Variants in MYO18A observed in about 807,000 individuals in gnomAD.
The protein encoded by MYO18A is unconventional myosin-XVIIIa.
In MYO18A, 78 loss-of-function variants were observed where a neutral mutation model predicts 235.8. The ratio of observed to expected loss-of-function variants is 0.33; its 90% CI spans 0.28 to 0.40. The LOEUF (loss-of-function observed/expected upper bound fraction) is 0.40. Among genes scored for constraint, MYO18A ranks in the 10% least tolerant of loss-of-function variants. The pLI is 1.00. For synonymous variants in MYO18A, 977 were observed against 1,077.8 expected, an observed-to-expected ratio of 0.91 and a Z score of 1.83; for missense variants, 2,215 against 2,699.3, an observed-to-expected ratio of 0.82 and a Z score of 3.98.
intron 35 of MYO18A, 30 bp from the exon 36 acceptor site, chr17:29,090,645 G>A: frequency 6.3e-7 from 1 of 1,588,696 alleles, no homozygotes; most frequent in Non-Finnish European, 8.6e-7. Flanking sequence ...ATCAGAAGCA[G>A]GATCCCCCAT....
chr17:29,092,953 T>A lies in MYO18A; in HGVS notation c.4975A>T (p.Lys1659Ter), dbSNP rs1489716581. Residue 1659 changes from lysine to a stop codon, truncating the protein, a stop_gained, in exon 33 of 42, where the codon AAG becomes TAG. Transcript: ENST00000527372. LOFTEE classifies it high-confidence loss of function. ...ESEKRLRKDL[K>*]RTKALLADAQ... ...TCTGCCAGCAGGGCCTTGGTGCGCT[T>A]CAGGTCCTTCCGCAGCCGCTTCTCT... 1 of 1,613,784 alleles carries A rather than the reference T, an allele frequency of 6.2e-7. No individual in the cohort carries two copies. The highest frequency in any genetic ancestry group is 1.7e-5 in the Admixed American group (1 of 60,018).
chr17:29,110,555 C>T lies in MYO18A; in HGVS notation c.2968G>A (p.Gly990Ser). The T allele has an allele frequency of 6.2e-7, 1 of 1,612,316 alleles. No homozygotes were observed. Residue 990 changes from glycine to serine, a missense_variant, in exon 18 of 42, where the codon GGC (glycine) becomes AGC (serine). Gly to Ser is a moderately conservative substitution (Grantham distance 56, BLOSUM62 0). Coordinates refer to ENST00000527372, the MANE Select transcript of MYO18A (RefSeq NM_078471.4). ...GCCAGCTGCGAGCCGCCCTCCAGGC[C>T]CGCGATGGAGCCAGAGAGCACCGTG... ...SATVLSGSIA[G>S]LEGGSQLALR...
At chr17:29,113,934 T>C (rs2049157701) in intron 15 of MYO18A, 77 bp downstream of exon 15, 1 of 1,210,586 alleles carries the variant, frequency 8.3e-7, no homozygotes, top group Admixed American at 2.0e-5. Flanking sequence ...GCAGCTCAGA[T>C]GGGGAGGGCT....
At chr17:29,091,319 G>C in intron 34 of MYO18A, 1 of 325,984 alleles carries the variant, frequency 3.1e-6, no homozygotes. Flanking sequence ...GTCTGCGAAG[G>C]TCTCCTGGCT....
In MYO18A at chr17:29,110,427, G is replaced by A. The variant is rs1394361301; in HGVS notation, c.3087+9C>T. 3.8e-6 allele frequency: 6 copies of A among 1,575,180 alleles called. No homozygotes were observed. Among genetic ancestry groups the A allele is most frequent in the East Asian group, 2.3e-5 (1 of 42,778 alleles). On this transcript the variant is annotated intron_variant, in intron 18 of 41. Transcript: ENST00000527372. ...CAGGCCTGCCTGCTGGGACCCGGCT[G>A]GCACTCACCACCTGTAGCTTCATCT...
chr17:29,073,813 G>A lies in MYO18A; in HGVS notation c.*957C>T. The stretch of plus-strand genomic sequence containing the variant: ...GAGGACTCATGTCTAATGAGCACCG[G>A]CCAAAACTTCCATCTTCAGTTTTTC... On this transcript the variant is annotated 3_prime_UTR_variant, in exon 42 of 42. Coordinates refer to ENST00000527372, the MANE Select transcript of MYO18A (RefSeq NM_078471.4). The A allele has an allele frequency of 6.5e-7, 1 of 1,549,700 alleles. No homozygotes were observed. The highest frequency in any genetic ancestry group is 8.8e-7 in the Non-Finnish European group (1 of 1,139,786).
intron 41 of MYO18A, chr17:29,080,181 G>A: frequency 1.0e-6 from 1 of 986,058 alleles, no homozygotes; most frequent in Non-Finnish European, 1.2e-6. Flanking sequence ...CACTTTGGAT[G>A]CTCTTCCTGT....
At chr17:29,123,280 G>A (rs2067243672) in intron 2 of MYO18A, among the ~76,000 whole-genome samples, 1 of 152,076 alleles carries the variant, frequency 6.6e-6, no homozygotes, top group Non-Finnish European at 1.5e-5. Context: ...TGGCAGCAAG[G>A]TCATCCCGTG....
At chr17:29,137,609 A>G (rs78567852) in intron 2 of MYO18A, among the ~76,000 whole-genome samples, 316 of 152,348 alleles carry the variant, frequency 2.1e-3, no homozygotes, top group African/African-American at 6.9e-3. Flanking sequence ...AAAAAAACGC[A>G]AAGATTTTTA....
chr17:29,113,050 C>T (rs1476935883), intron 15 of MYO18A, among the ~76,000 whole-genome samples: 1 of 152,264 alleles, frequency 6.6e-6, no homozygotes, highest in Non-Finnish European at 1.5e-5. Flanking sequence ...TGCTGTCTGA[C>T]TCCTGCTGCT....
intron 10 of MYO18A, among the ~76,000 whole-genome samples, chr17:29,116,743 C>A (rs939152513): frequency 4.8e-5 from 2 of 41,530 alleles, no homozygotes; most frequent in Non-Finnish European, 1.9e-4. Context: ...CCCCCCCCCC[C>A]CCGCCGGAAA....
intron 2 of MYO18A, among the ~76,000 whole-genome samples, chr17:29,156,668 C>A (rs1264146599): frequency 6.6e-6 from 1 of 152,206 alleles, no homozygotes; most frequent in African/African-American, 2.4e-5. Context: ...ACAAATATCC[C>A]CTGCCCTCAT....
intron 2 of MYO18A, among the ~76,000 whole-genome samples, chr17:29,157,892 C>G (rs1384785589): frequency 6.6e-6 from 1 of 152,124 alleles, no homozygotes; most frequent in African/African-American, 2.4e-5. Flanking sequence ...CTCCCAGGTT[C>G]AAGGGATCCT....
intron 41 of MYO18A, chr17:29,078,026 A>T (rs8080453): frequency 0.36 from 55,086 of 151,516 alleles, 12,067 homozygotes; most frequent in East Asian, 0.84. Context: ...ATATATATAT[A>T]TTTTTTGAGA....
intron 1 of MYO18A, among the ~76,000 whole-genome samples, chr17:29,177,809 G>A (rs957997067): frequency 1.3e-5 from 2 of 152,150 alleles, no homozygotes; most frequent in Admixed American, 6.5e-5. Context: ...ACAAAACCCA[G>A]CTCACGTGGA....
chr17:29,097,460 T>G (rs1310955575), intron 26 of MYO18A, 110 bp from the exon 27 acceptor site: 1 of 1,418,610 alleles, frequency 7.0e-7, no homozygotes, highest in East Asian at 2.3e-5. Context: ...CAGCCAGGGC[T>G]CAGAAAGCTC....
At position 29,115,704 on chromosome 17, in the gene MYO18A, G is replaced by A; in HGVS notation, c.2187C>T (p.Phe729=). The A allele has an allele frequency of 1.2e-6, 2 of 1,606,536 alleles. No homozygotes were observed. Among genetic ancestry groups the A allele is most frequent in the Non-Finnish European group, 1.7e-6 (2 of 1,177,020 alleles). Residue 729 remains phenylalanine, a synonymous_variant, in exon 12 of 42, where the codon TTC becomes TTT. Coordinates refer to ENST00000527372, the MANE Select transcript of MYO18A (RefSeq NM_078471.4). The part of the protein sequence containing the change: ...KGGTLQRSTS[F]RQGPEESGLG... ...GGCCACTCTCCTCGGGGCCCTGGCGGAAGGAGGTGGAGCGCTGCAGGGTGC... is the reference window on the plus strand; with the variant it reads ...GGCCACTCTCCTCGGGGCCCTGGCGAAAGGAGGTGGAGCGCTGCAGGGTGC...
intron 37 of MYO18A, among the ~76,000 whole-genome samples, chr17:29,089,710 G>A (rs923810404): frequency 7.9e-5 from 12 of 152,204 alleles, no homozygotes; most frequent in African/African-American, 2.9e-4. Flanking sequence ...AAGACGAAGA[G>A]CTAAGCTGCT....
chr17:29,124,039 C>G lies in MYO18A; in HGVS notation c.1000-1786G>C, dbSNP rs144894191. 5.3e-3 allele frequency among the ~76,000 whole-genome samples: 685 copies of G among 130,142 alleles called. 7 individuals are homozygous for G. The highest frequency in any genetic ancestry group is 0.019 in the African/African-American group (655 of 33,668). The allele number at this position is 130,142 out of a possible 152,430, so 85.4% of individuals were successfully genotyped here. A position where few individuals can be genotyped will look rare whatever the true frequency, so the allele number is the denominator to read the frequency against. On this transcript the variant is annotated intron_variant, in intron 2 of 41. Coordinates refer to ENST00000527372, the MANE Select transcript of MYO18A (RefSeq NM_078471.4). ...GTTCAGCCTGGGCGACAGAGCGAGA[C>G]TCCATCTCAAAAAAAAAAAAAATCA... is the stretch of plus-strand genomic sequence containing the variant.
Sources: gnomAD v4.1 joint callset for allele counts (sites outside exome capture counted in the v4.1 genomes callset) on GRCh38, gnomAD v4.1.1 for gene constraint, MANE v1.5 for transcripts, NCBI Gene and HGNC (gene_info 2026-07-23, HGNC 2026-07-21) for gene names.